Variants in FLNC observed in about 807,000 individuals in gnomAD.
FLNC encodes filamin C, also known as filamin-C.
Under a neutral mutation model 254.3 loss-of-function variants are expected in FLNC, and 91 were observed. That is an observed-to-expected ratio of 0.36 (90% CI 0.30 to 0.43). The LOEUF (loss-of-function observed/expected upper bound fraction) is 0.43. FLNC is among the 20% of genes least tolerant of loss of function. FLNC has a pLI of 1.00. For missense variants in FLNC, 2,853 were observed against 3,802.6 expected, an observed-to-expected ratio of 0.75 and a Z score of 6.57; for synonymous variants, 1,430 against 1,577.2, an observed-to-expected ratio of 0.91 and a Z score of 2.21.
At position 128,849,964 on chromosome 7, in the gene FLNC, T is replaced by A; in HGVS notation, c.5200-12T>A. 1 of 1,577,422 alleles carries A rather than the reference T, an allele frequency of 6.3e-7. No individual in the cohort carries two copies. The highest frequency in any genetic ancestry group is 1.3e-5 in the African/African-American group (1 of 74,616). On this transcript the variant is annotated splice_polypyrimidine_tract_variant and intron_variant, in intron 30 of 47. Transcript: ENST00000325888. ...CTGCCACACCCTGTGCCCCCGTGCC[T>A]TGCCTCCCCAGGCGTGTGACCCCCT...
chr7:128,853,565 C>T lies in FLNC; in HGVS notation c.6305C>T (p.Pro2102Leu). The change falls in exon 38 of 48, where the codon CCC (proline) becomes CTC (leucine). Residue 2102 changes from proline (P) to leucine (L), a missense_variant. By Grantham distance (98) the Pro-to-Leu change is moderately conservative (BLOSUM62 -3). Coordinates refer to ENST00000325888, the MANE Select transcript of FLNC (RefSeq NM_001458.5). ...EDGTCKVTYC[P>L]TEPGTYIINI... The stretch of plus-strand genomic sequence containing the variant: ...GGGACATGCAAAGTCACCTACTGCC[C>T]CACCGAGCCCGGCACCTACATCATC... 6.2e-7 allele frequency: 1 copy of T among 1,614,126 alleles called. No homozygotes were observed. Among genetic ancestry groups the T allele is most frequent in the Non-Finnish European group, 8.5e-7 (1 of 1,180,032 alleles).
At chr7:128,831,110 A>T (rs908816407) in intron 1 of FLNC, 121 bp downstream of exon 1, 1 of 891,124 alleles carries the variant, frequency 1.1e-6, no homozygotes, top group Admixed American at 2.5e-5. Context: ...ACCCCCCGGT[A>T]TAGAGAGAAG....
rs762652248 is a variant in FLNC at position 128,840,958 on chromosome 7, G to A, written c.1801G>A (p.Val601Met). Residue 601 changes from valine to methionine, a missense_variant, in exon 11 of 48, where the codon GTG becomes ATG. Transcript: ENST00000325888. Reference protein sequence around the residue: ...DFVVEAIGTEVGTLGFSIEGP... With the variant: ...DFVVEAIGTEMGTLGFSIEGP... ...TGTGGTGGAAGCCATTGGCACCGAG[G>A]TGGGGACACTGGGTAAGTGGCTGGG... is the stretch of plus-strand genomic sequence containing the variant. The A allele has an allele frequency of 6.3e-7, 1 of 1,598,362 alleles. No individual in the cohort carries two copies.
At position 128,844,065 on chromosome 7, in the gene FLNC, C is replaced by T; in HGVS notation, c.2991C>T (p.Gly997=). ...SVNTRGAGGQ[G]QLDVRMTSPS... is the part of the protein sequence containing the mutation. ...ACACACGAGGGGCTGGCGGTCAGGGCCAACTGGATGTGCGGATGACTTCGC... is the reference window on the plus strand; with the variant it reads ...ACACACGAGGGGCTGGCGGTCAGGGTCAACTGGATGTGCGGATGACTTCGC... The change falls in exon 20 of 48, where the codon GGC becomes GGT. Residue 997 remains glycine (G), a synonymous_variant. Transcript: ENST00000325888. 1.2e-6 allele frequency: 2 copies of T among 1,614,038 alleles called. No homozygotes were observed. Among genetic ancestry groups the T allele is most frequent in the Non-Finnish European group, 1.7e-6 (2 of 1,180,028 alleles).
In FLNC at chr7:128,856,498, A is replaced by G. The variant is rs1387392433; in HGVS notation, c.7252-20A>G. The G allele has an allele frequency of 6.2e-7, 1 of 1,610,086 alleles. No homozygotes were observed. Among genetic ancestry groups the G allele is most frequent in the East Asian group, 2.2e-5 (1 of 44,878 alleles). On this transcript the variant is annotated intron_variant, in intron 43 of 47. Coordinates refer to ENST00000325888, the MANE Select transcript of FLNC (RefSeq NM_001458.5). This position sits in a 1 kb window ranked among gnomAD's most constrained non-coding sequence, Gnocchi z 5.9. Reference sequence around the variant, plus strand: ...GCCCCGGCCTCCCAGGAGTCTGAGCATCCTCCGTGGCCTTTGCAGGAGACG... The same window carrying G: ...GCCCCGGCCTCCCAGGAGTCTGAGCGTCCTCCGTGGCCTTTGCAGGAGACG...
Position 128,844,867 on chromosome 7 carries a change from G to C in FLNC, c.3402G>C (p.Leu1134=), listed in dbSNP as rs1185395026. Residue 1134 remains leucine, a synonymous_variant, in exon 21 of 48, where the codon CTG becomes CTC. Coordinates refer to ENST00000325888, the MANE Select transcript of FLNC (RefSeq NM_001458.5). ...CTGGCGAGTACACCATCAACATCCTGTTTGCTGAGGCCCACATCCCTGGCT... is the reference window on the plus strand; with the variant it reads ...CTGGCGAGTACACCATCAACATCCTCTTTGCTGAGGCCCACATCCCTGGCT... ...TEPGEYTINI[L]FAEAHIPGSP... is the part of the protein sequence containing the mutation. The C allele has an allele frequency of 6.2e-7, 1 of 1,613,968 alleles. No individual in the cohort carries two copies.
rs199652368 is a variant in FLNC at position 128,842,911 on chromosome 7, C to A, written c.2507C>A (p.Pro836Gln). 4.2e-4 allele frequency: 681 copies of A among 1,614,048 alleles called. 1 individual carries two copies. In the African/African-American group the frequency reaches 6.0e-3, roughly 14 times the overall value. The change falls in exon 16 of 48, where the codon CCA becomes CAA. Residue 836 changes from proline (P) to glutamine (Q), a missense_variant. Physicochemically the swap from Pro to Gln is moderately conservative, Grantham distance 76. Around this residue, in one of 10 missense-constraint regions of FLNC, gnomAD observed 1,573 missense variants for 1,883.5 expected, o/e 0.84. Transcript: ENST00000325888. The surrounding 1 kb of genome is among the most constrained non-coding windows in gnomAD (Gnocchi z 5.4). Reference protein sequence around the residue: ...NDTFTVKYTPPGAGRYTIMVL... With the variant: ...NDTFTVKYTPQGAGRYTIMVL... Reference sequence around the variant, plus strand: ...ACCTTCACCGTCAAGTACACGCCACCAGGGGCGGGCCGCTACACCATCATG... The same window carrying A: ...ACCTTCACCGTCAAGTACACGCCACAAGGGGCGGGCCGCTACACCATCATG...
Position 128,844,113 on chromosome 7 carries a change from C to G in FLNC, c.3039C>G (p.Cys1013Trp). 1 of 1,613,996 alleles carries G rather than the reference C, an allele frequency of 6.2e-7. No individual in the cohort carries two copies. Among genetic ancestry groups the G allele is most frequent in the Non-Finnish European group, 8.5e-7 (1 of 1,180,050 alleles). The change falls in exon 20 of 48, where the codon TGC becomes TGG. Residue 1013 changes from cysteine (C) to tryptophan (W), a missense_variant. Coordinates refer to ENST00000325888, the MANE Select transcript of FLNC (RefSeq NM_001458.5). ...MTSPSRRPIP[C>W]KLEPGGGAEA... is the part of the protein sequence containing the mutation. ...CGCCCTCTCGCCGGCCCATCCCCTG[C>G]AAGCTGGAGCCAGGCGGTGGAGCGG...
At chr7:128,834,895 G>A (rs538569400) in intron 1 of FLNC, among the ~76,000 whole-genome samples, 5 of 152,266 alleles carry the variant, frequency 3.3e-5, no homozygotes, top group East Asian at 1.9e-4. Flanking sequence ...TGACGGCTTC[G>A]TGATATATCC....
intron 1 of FLNC, among the ~76,000 whole-genome samples, chr7:128,832,225 C>A (rs922071143): frequency 6.6e-6 from 1 of 152,188 alleles, no homozygotes; most frequent in Non-Finnish European, 1.5e-5. Context: ...ACTGCCCCCC[C>A]ACCCCACCCG....
In FLNC at chr7:128,851,221, T is replaced by C. The variant is rs773637016; in HGVS notation, c.5540-11T>C. 7 of 1,613,936 alleles carry C rather than the reference T, an allele frequency of 4.3e-6. No homozygotes were observed. Among genetic ancestry groups the C allele is most frequent in the Middle Eastern group, 1.6e-4 (1 of 6,062 alleles). ...ATGCTGACCCAGCCCCCTTTTTCTC[T>C]GTATCCCCAGGGAGCCCCTTACAGT... On this transcript the variant is annotated splice_polypyrimidine_tract_variant and intron_variant, in intron 33 of 47. Coordinates refer to ENST00000325888, the MANE Select transcript of FLNC (RefSeq NM_001458.5).
In FLNC at chr7:128,838,428, G is replaced by A. The variant is rs746938160; in HGVS notation, c.1209G>A (p.Ala403=). The A allele has an allele frequency of 6.8e-6, 11 of 1,613,710 alleles. No individual in the cohort carries two copies. In the Admixed American group the frequency reaches 1.7e-4, roughly 24 times the overall value. The change falls in exon 7 of 48, where the codon GCG becomes GCA. Residue 403 remains alanine (A), a splice_region_variant and synonymous_variant. Coordinates refer to ENST00000325888, the MANE Select transcript of FLNC (RefSeq NM_001458.5). ...NKPTYFDIYT[A]GAGTGDVAVV... ...CCACCTACTTTGACATCTACACTGC[G>A]GGTAGGACGGGCCCCAGGGGGTGCA...
chr7:128,850,735 G>T, intron 32 of FLNC, 68 bp from the exon 33 acceptor site: 1 of 1,608,338 alleles, frequency 6.2e-7, no homozygotes, highest in East Asian at 2.2e-5. Flanking sequence ...TCAGGACCAG[G>T]CCTGGGACAG....
intron 22 of FLNC, 61 bp from the exon 23 acceptor site, chr7:128,846,240 G>A (rs946022998): frequency 3.1e-5 from 49 of 1,564,516 alleles, no homozygotes; most frequent in Non-Finnish European, 4.3e-5. Context: ...ATTGCCCTCG[G>A]GGCAGGAGGG....
At chr7:128,850,330 G>A (rs1808754045) in intron 31 of FLNC, 54 bp from the exon 32 acceptor site, 5 of 1,448,552 alleles carry the variant, frequency 3.5e-6, no homozygotes, top group Admixed American at 1.7e-5. Flanking sequence ...CATAGCATGG[G>A]TCAAACTCCT....
rs765122668 is a variant in FLNC at position 128,840,018 on chromosome 7, C to T, written c.1412-5C>T. On this transcript the variant is annotated splice_polypyrimidine_tract_variant and splice_region_variant and intron_variant, in intron 8 of 47. Transcript: ENST00000325888. ...CCCCCAACCTCCTTTCTCTTCCTCC[C>T]CTAGCCTGTAACCCCAACGCCTGCC... 3.0e-5 allele frequency: 49 copies of T among 1,612,714 alleles called. No individual in the cohort carries two copies. The highest frequency in any genetic ancestry group is 3.6e-5 in the Non-Finnish European group (43 of 1,179,998).
At position 128,842,653 on chromosome 7, in the gene FLNC, A is replaced by G. The variant is rs1055062421; in HGVS notation, c.2344A>G (p.Asn782Asp). 1.9e-6 allele frequency: 3 copies of G among 1,553,014 alleles called. No individual in the cohort carries two copies. The Admixed American group carries it at 5.9e-5, about 30-fold the overall frequency. Reference protein sequence around the residue: ...PGVEKTGLKANEPTYFTVDCS... With the variant: ...PGVEKTGLKADEPTYFTVDCS... ...AGTGGAGAAGACAGGCCTCAAGGCCAATGAGCCCACCTACTTCACGGTGGA... is the reference window on the plus strand; with the variant it reads ...AGTGGAGAAGACAGGCCTCAAGGCCGATGAGCCCACCTACTTCACGGTGGA... Residue 782 changes from asparagine (N) to aspartate (D), a missense_variant, in exon 15 of 48, where the codon AAT (asparagine) becomes GAT (aspartate). This residue lies in a region of FLNC where 1,573 missense variants were observed against 1,883.5 expected (regional missense o/e 0.84). Coordinates refer to ENST00000325888, the MANE Select transcript of FLNC (RefSeq NM_001458.5). The surrounding 1 kb of genome is among the most constrained non-coding windows in gnomAD (Gnocchi z 5.4).
chr7:128,843,909 T>C lies in FLNC; in HGVS notation c.2925T>C (p.Asn975=), dbSNP rs768203406. ...GCAAAATCAAAGTTCAGGGCCTTAA[T>C]AGCAGTAAGTGGGGCAAGAGCCACC... is the stretch of plus-strand genomic sequence containing the variant. ...DLSKIKVQGL[N]SKVAVGQEQA... The change falls in exon 19 of 48, where the codon AAT becomes AAC. Residue 975 remains asparagine, a synonymous_variant. Transcript: ENST00000325888. 4 of 1,614,070 alleles carry C rather than the reference T, an allele frequency of 2.5e-6. No homozygotes were observed. In the South Asian group the frequency reaches 4.4e-5, roughly 18 times the overall value.
chr7:128,842,528 T>A lies in FLNC; in HGVS notation c.2266-47T>A, dbSNP rs537139493. 11 of 1,548,734 alleles carry A rather than the reference T, an allele frequency of 7.1e-6. No individual in the cohort carries two copies. In the South Asian group the frequency reaches 1.2e-4, roughly 17 times the overall value. Reference sequence around the variant, plus strand: ...GGGCCGGGTGCGCTGGGCAGGAGGATGAGCCTTGAGGGAGGGCACCACGCT... The same window carrying A: ...GGGCCGGGTGCGCTGGGCAGGAGGAAGAGCCTTGAGGGAGGGCACCACGCT... On this transcript the variant is annotated intron_variant, in intron 14 of 47. Transcript: ENST00000325888. This position sits in a 1 kb window ranked among gnomAD's most constrained non-coding sequence, Gnocchi z 5.4.
Sources: gnomAD v4.1 joint callset for allele counts (sites outside exome capture counted in the v4.1 genomes callset) on GRCh38, gnomAD v4.1.1 for gene constraint, gnomAD v4.1.1 regional missense constraint, Gnocchi (gnomAD v3.1) non-coding constraint, MANE v1.5 for transcripts, NCBI Gene and HGNC (gene_info 2026-07-23, HGNC 2026-07-21) for gene names.